Variants in IQCM observed in about 807,000 individuals in gnomAD.
IQCM encodes IQ domain-containing protein M.
Under a neutral mutation model 57.6 loss-of-function variants are expected in IQCM, and 45 were observed. That is an observed-to-expected ratio of 0.78 (90% CI 0.62 to 1.00). The LOEUF is 1.00. IQCM is among the 50% of genes least tolerant of loss of function. IQCM has a pLI of 0.00. For missense variants in IQCM, 468 were observed against 511.6 expected (o/e 0.91, Z 0.82); for synonymous variants, 148 against 158.9 (o/e 0.93, Z 0.51).
intron 12 of IQCM, among the ~76,000 whole-genome samples, chr4:149,537,414 C>A (rs1747405051): frequency 6.6e-6 from 1 of 151,588 alleles, no homozygotes; most frequent in Non-Finnish European, 1.5e-5. Context: ...AGCTATTATC[C>A]AATTTGAACA....
intron 2 of IQCM, among the ~76,000 whole-genome samples, chr4:149,765,850 T>C (rs1474448949): frequency 1.3e-5 from 2 of 151,988 alleles, no homozygotes; most frequent in African/African-American, 4.8e-5. Flanking sequence ...CCCAGATCCA[T>C]GACTCATACC....
At chr4:149,684,911 C>G (rs1271370235) in intron 6 of IQCM, among the ~76,000 whole-genome samples, 1 of 151,328 alleles carries the variant, frequency 6.6e-6, no homozygotes, top group Non-Finnish European at 1.5e-5. Context: ...TTTACATGCC[C>G]TGAGCTGTCA....
intron 9 of IQCM, among the ~76,000 whole-genome samples, chr4:149,570,160 T>A (rs190778694): frequency 6.6e-6 from 1 of 152,176 alleles, no homozygotes; most frequent in East Asian, 1.9e-4. Context: ...AGAACAATAG[T>A]TAAATATATA....
intron 7 of IQCM, among the ~76,000 whole-genome samples, chr4:149,645,039 T>C (rs1758520372): frequency 6.6e-6 from 1 of 152,204 alleles, no homozygotes; most frequent in Non-Finnish European, 1.5e-5. Context: ...TCTTAATCAC[T>C]GATGAGTTCG....
chr4:149,428,199 C>T (rs182865913), intron 13 of IQCM, among the ~76,000 whole-genome samples: 2 of 151,736 alleles, frequency 1.3e-5, no homozygotes, highest in East Asian at 3.9e-4. Context: ...AAATTACATA[C>T]ACATCATATA....
chr4:149,640,730 A>AT (rs758062626), intron 7 of IQCM, among the ~76,000 whole-genome samples: 9 of 151,798 alleles, frequency 5.9e-5, no homozygotes, highest in Non-Finnish European at 1.0e-4. Context: ...TTTTTCTCTT[A>AT]TTTTGAGGCC....
intron 13 of IQCM, among the ~76,000 whole-genome samples, chr4:149,405,146 A>G (rs1459849026): frequency 6.6e-6 from 1 of 152,072 alleles, no homozygotes; most frequent in Non-Finnish European, 1.5e-5. Flanking sequence ...GAAAGGAAAA[A>G]AAAGAAGAAA....
At chr4:149,636,593 C>T (rs1477031344) in intron 7 of IQCM, among the ~76,000 whole-genome samples, 1 of 152,178 alleles carries the variant, frequency 6.6e-6, no homozygotes, top group Non-Finnish European at 1.5e-5. Flanking sequence ...CACCTCTACA[C>T]TGATAGCAGG....
intron 2 of IQCM, among the ~76,000 whole-genome samples, chr4:149,775,464 A>C (rs1490872966): frequency 6.6e-6 from 1 of 152,196 alleles, no homozygotes; most frequent in Non-Finnish European, 1.5e-5. Flanking sequence ...AAAACTACTA[A>C]AACCTACTAA....
chr4:149,354,996 A>G (rs1728858240), intron 13 of IQCM, among the ~76,000 whole-genome samples: 1 of 152,140 alleles, frequency 6.6e-6, no homozygotes. Context: ...AAAGTAGAAT[A>G]ATGATAATAC....
At chr4:149,631,886 G>A (rs1467561393) in intron 7 of IQCM, among the ~76,000 whole-genome samples, 1 of 152,194 alleles carries the variant, frequency 6.6e-6, no homozygotes, top group African/African-American at 2.4e-5. Context: ...TTAGGAAGCA[G>A]TCTGTGAGTC....
At chr4:149,573,504 T>C (rs1400769013) in intron 9 of IQCM, among the ~76,000 whole-genome samples, 2 of 152,012 alleles carry the variant, frequency 1.3e-5, no homozygotes, top group African/African-American at 2.4e-5. Flanking sequence ...ATTTTGTTCA[T>C]ATTTCCTGAA....
intron 7 of IQCM, among the ~76,000 whole-genome samples, chr4:149,629,118 T>G (rs2150088840): frequency 6.6e-6 from 1 of 152,322 alleles, no homozygotes; most frequent in Admixed American, 6.5e-5. Context: ...TACTCAGTTC[T>G]CATAGGATCA....
At chr4:149,682,080 T>G in intron 7 of IQCM, 38 bp downstream of exon 7, 1 of 791,706 alleles carries the variant, frequency 1.3e-6, no homozygotes, top group Non-Finnish European at 1.7e-6. Context: ...ATAATGAAAA[T>G]CAATGTGCTG....
chr4:149,736,101 C>T (rs1766914398), intron 3 of IQCM, among the ~76,000 whole-genome samples: 1 of 152,034 alleles, frequency 6.6e-6, no homozygotes. Flanking sequence ...GCGTGCACCA[C>T]CACATCCAGC....
At chr4:149,642,062 G>A (rs1324481864) in intron 7 of IQCM, among the ~76,000 whole-genome samples, 2 of 152,038 alleles carry the variant, frequency 1.3e-5, no homozygotes, top group East Asian at 3.9e-4. Context: ...GTGAACGAGG[G>A]GGAAAAGAAT....
At chr4:149,783,114 TCTAA>T (rs1372330281) in intron 2 of IQCM, among the ~76,000 whole-genome samples, 4 of 152,194 alleles carry the variant, frequency 2.6e-5, no homozygotes, top group African/African-American at 7.2e-5. Flanking sequence ...CATTCATCTA[TCTAA>T]CTACTTTCTC....
intron 2 of IQCM, among the ~76,000 whole-genome samples, chr4:149,777,868 A>C (rs1282080349): frequency 1.3e-5 from 2 of 152,126 alleles, no homozygotes; most frequent in African/African-American, 2.4e-5. Flanking sequence ...CATATATCTC[A>C]GACTTGGAAG....
chr4:149,584,515 C>T lies in IQCM; in HGVS notation c.749+3415G>A, dbSNP rs192120618. On this transcript the variant is annotated intron_variant, in intron 9 of 13. Coordinates refer to ENST00000636793, the MANE Select transcript of IQCM (RefSeq NM_001363507.2). Reference sequence around the variant, plus strand: ...AAAAATACATAAATATATTTAAGAACTCCCAAATTAAATCAAGTATCTATA... The same window carrying T: ...AAAAATACATAAATATATTTAAGAATTCCCAAATTAAATCAAGTATCTATA... 5.2e-4 allele frequency among the ~76,000 whole-genome samples: 79 copies of T among 151,662 alleles called. No individual in the cohort carries two copies. In the East Asian group the frequency reaches 0.011, roughly 21 times the overall value.
Sources: gnomAD v4.1 joint callset for allele counts (sites outside exome capture counted in the v4.1 genomes callset) on GRCh38, gnomAD v4.1.1 for gene constraint, MANE v1.5 for transcripts, NCBI Gene and HGNC (gene_info 2026-07-23, HGNC 2026-07-21) for gene names.